The following PIGN variants were observed in gnomAD, a reference collection of about 807,000 sequenced individuals.
PIGN encodes the protein GPI ethanolamine phosphate transferase 1.
Under a neutral mutation model 125.4 loss-of-function variants are expected in PIGN, and 117 were observed. The ratio of observed to expected loss-of-function variants is 0.93; its 90% CI spans 0.80 to 1.09. The LOEUF is 1.09. Ranked by LOEUF, PIGN falls within the 50% of genes least tolerant of loss-of-function variation. PIGN has a pLI of 0.00. For missense variants in PIGN, 1,075 were observed against 1,094.9 expected (o/e 0.98, Z 0.26); for synonymous variants, 392 against 377.8 (o/e 1.04, Z -0.44).
At chr18:62,134,318 G>A (rs904320842) in intron 14 of PIGN, among the ~76,000 whole-genome samples, 2 of 152,164 alleles carry the variant, frequency 1.3e-5, no homozygotes, top group Admixed American at 6.5e-5. Context: ...TTGAACCCAG[G>A]AGGCAGAGGT....
chr18:62,145,983 A>G lies in PIGN; in HGVS notation c.848T>C (p.Leu283Ser). The G allele has an allele frequency of 6.2e-7, 1 of 1,606,492 alleles. No individual in the cohort carries two copies. Among genetic ancestry groups the G allele is most frequent in the Non-Finnish European group, 8.5e-7 (1 of 1,175,564 alleles). Residue 283 changes from leucine (L) to serine (S), a missense_variant, in exon 10 of 31, where the codon TTA (leucine) becomes TCA (serine). Coordinates refer to ENST00000640252, the MANE Select transcript of PIGN (RefSeq NM_176787.5). Reference protein sequence around the residue: ...AGHPSETLTPLVTWGAGIKYP... With the variant: ...AGHPSETLTPSVTWGAGIKYP... ...CTTGATTCCAGCTCCCCAAGTGACTAAAGGAGTTAAAGTCTCTGAAGGATG... is the reference window on the plus strand; with the variant it reads ...CTTGATTCCAGCTCCCCAAGTGACTGAAGGAGTTAAAGTCTCTGAAGGATG...
intron 23 of PIGN, among the ~76,000 whole-genome samples, chr18:62,033,971 G>C (rs1265792129): frequency 6.6e-6 from 1 of 152,210 alleles, no homozygotes; most frequent in Non-Finnish European, 1.5e-5. Flanking sequence ...AGAGGGGTTT[G>C]TCTAAGGTCA....
chr18:62,152,123 G>A (rs1382057611), intron 7 of PIGN, among the ~76,000 whole-genome samples: 1 of 152,012 alleles, frequency 6.6e-6, no homozygotes, highest in Non-Finnish European at 1.5e-5. Flanking sequence ...GGATTGGGGG[G>A]AAATTTAAAA....
intron 30 of PIGN, chr18:62,070,207 C>G (rs1373772790): frequency 2.6e-6 from 1 of 389,650 alleles, no homozygotes; most frequent in South Asian, 1.4e-4. Flanking sequence ...TCAAAAGTGG[C>G]AGAAATGAGA....
chr18:62,058,175 C>T (rs1254630248), intron 30 of PIGN, among the ~76,000 whole-genome samples: 2 of 152,202 alleles, frequency 1.3e-5, no homozygotes, highest in African/African-American at 4.8e-5. Flanking sequence ...GTCTTCCTCA[C>T]TCTCCCTGGA....
intron 30 of PIGN, among the ~76,000 whole-genome samples, chr18:62,063,858 C>T (rs780178463): frequency 4.9e-5 from 7 of 141,442 alleles, no homozygotes; most frequent in East Asian, 2.1e-4. Flanking sequence ...TGTTCTCACT[C>T]ATAGGTGGGA....
In PIGN at chr18:62,143,347, C is replaced by A; in HGVS notation, c.923-1G>T. On this transcript the variant is annotated splice_acceptor_variant, in intron 10 of 30. Coordinates refer to ENST00000640252, the MANE Select transcript of PIGN (RefSeq NM_176787.5). LOFTEE classifies it high-confidence loss of function. ...CTCTTCCAATTCTCCAATCTCCACT[C>A]TGAAAGATACAATCAGACACAAGAT... 1 of 1,518,066 alleles carries A rather than the reference C, an allele frequency of 6.6e-7. No homozygotes were observed. Among genetic ancestry groups the A allele is most frequent in the East Asian group, 2.3e-5 (1 of 43,214 alleles). 94.0% of individuals were successfully genotyped at this position (1,518,066 alleles called of 1,614,324 possible).
At chr18:62,092,663 A>C (rs1568166343) in intron 23 of PIGN, among the ~76,000 whole-genome samples, 2 of 152,150 alleles carry the variant, frequency 1.3e-5, no homozygotes, top group Admixed American at 1.3e-4. Context: ...TATGTTAAAA[A>C]GACAAATACG....
chr18:62,033,625 CTCT>C (rs1311027742), intron 23 of PIGN, among the ~76,000 whole-genome samples: 4 of 152,134 alleles, frequency 2.6e-5, no homozygotes, highest in African/African-American at 9.7e-5. Context: ...CTTATTTGAA[CTCT>C]TCCCTCAAGC....
At chr18:62,078,954 T>C (rs2081759084) in intron 28 of PIGN, among the ~76,000 whole-genome samples, 1 of 152,208 alleles carries the variant, frequency 6.6e-6, no homozygotes, top group Admixed American at 6.5e-5. Flanking sequence ...CTTCAAAACC[T>C]ACCAAAGGCT....
chr18:62,177,504 A>C (rs2037566775), intron 1 of PIGN, among the ~76,000 whole-genome samples: 2 of 152,186 alleles, frequency 1.3e-5, no homozygotes, highest in Admixed American at 1.3e-4. Flanking sequence ...TACTAAGTCC[A>C]ATGTCAGGAC....
chr18:62,147,216 C>G (rs944032795), intron 8 of PIGN, 115 bp from the exon 9 acceptor site: 5 of 1,276,628 alleles, frequency 3.9e-6, no homozygotes, highest in Non-Finnish European at 5.2e-6. Flanking sequence ...TAGATTTCAT[C>G]TTTAATATTT....
At chr18:62,107,991 A>G (rs2034718941) in intron 17 of PIGN, among the ~76,000 whole-genome samples, 1 of 152,242 alleles carries the variant, frequency 6.6e-6, no homozygotes, top group Non-Finnish European at 1.5e-5. Flanking sequence ...TCACTAGGAA[A>G]AAAAGTTAAC....
chr18:62,072,052 C>T (rs2032910072), intron 30 of PIGN, among the ~76,000 whole-genome samples: 1 of 148,676 alleles, frequency 6.7e-6, no homozygotes, highest in African/African-American at 2.5e-5. Flanking sequence ...AATCCTGACC[C>T]TCTGTAGGCC....
intron 22 of PIGN, among the ~76,000 whole-genome samples, chr18:62,098,474 C>T (rs1461449475): frequency 1.3e-5 from 2 of 152,118 alleles, no homozygotes; most frequent in Non-Finnish European, 2.9e-5. Context: ...TCAAATGAGA[C>T]CTCTTCTGTA....
intron 22 of PIGN, 71 bp from the exon 23 acceptor site, chr18:62,096,021 G>A (rs552966368): frequency 2.2e-5 from 20 of 927,866 alleles, no homozygotes; most frequent in African/African-American, 4.9e-5. Flanking sequence ...AGGGCCGGGC[G>A]TGGTGGCTCA....
rs760977825 is a variant in PIGN at position 62,088,843 on chromosome 18, C to G, written c.2284-1G>C. Reference sequence around the variant, plus strand: ...TATAAGAGAACTGGATACTGGTGAGCTGTGAGATAATAAGAAAAATATTAA... The same window carrying G: ...TATAAGAGAACTGGATACTGGTGAGGTGTGAGATAATAAGAAAAATATTAA... On this transcript the variant is annotated splice_acceptor_variant, in intron 24 of 30. Coordinates refer to ENST00000640252, the MANE Select transcript of PIGN (RefSeq NM_176787.5). LOFTEE classifies it high-confidence loss of function. The G allele has an allele frequency of 5.6e-5, 84 of 1,510,966 alleles. No homozygotes were observed. Among genetic ancestry groups the G allele is most frequent in the Non-Finnish European group, 6.8e-5 (75 of 1,108,866 alleles). 93.6% of individuals were successfully genotyped at this position (1,510,966 alleles called of 1,614,324 possible).
intron 1 of PIGN, among the ~76,000 whole-genome samples, chr18:62,179,883 C>T (rs1001026374): frequency 6.6e-6 from 1 of 152,272 alleles, no homozygotes; most frequent in African/African-American, 2.4e-5. Context: ...AGATGCAAAG[C>T]CATTATTTCT....
At chr18:62,148,644 T>C (rs1676693640) in intron 7 of PIGN, among the ~76,000 whole-genome samples, 2 of 152,162 alleles carry the variant, frequency 1.3e-5, no homozygotes, top group South Asian at 4.1e-4. Flanking sequence ...ATACAGCAGA[T>C]TGAAGACATA....
Sources: allele counts gnomAD v4.1 joint callset (sites outside exome capture counted in the v4.1 genomes callset), GRCh38; gene constraint gnomAD v4.1.1; transcripts MANE v1.5; gene names NCBI Gene and HGNC (gene_info 2026-07-23, HGNC 2026-07-21).